The following ADCY6 variants were observed in gnomAD, a reference collection of about 807,000 sequenced individuals.
ADCY6 encodes the protein adenylate cyclase 6.
Under a neutral mutation model 111.6 loss-of-function variants are expected in ADCY6, and 59 were observed. That is an observed-to-expected ratio of 0.53 (90% CI 0.43 to 0.66). The LOEUF is 0.66. Among genes scored for constraint, ADCY6 ranks in the 30% least tolerant of loss-of-function variants. The pLI is 0.00. For missense variants in ADCY6, 1,242 were observed against 1,595.6 expected, an observed-to-expected ratio of 0.78 and a Z score of 3.78; for synonymous variants, 576 against 642.9, an observed-to-expected ratio of 0.90 and a Z score of 1.57.
In ADCY6 at chr12:48,776,347, G is replaced by A; in HGVS notation, c.1539C>T (p.Arg513=). ...NHMEAGGRAG[R]IHITRATLQY... Reference sequence around the variant, plus strand: ...GCAGTGTTGCCCGAGTGATGTGGATGCGGCTGTATGTGGCCAAGAGGGTGA... The same window carrying A: ...GCAGTGTTGCCCGAGTGATGTGGATACGGCTGTATGTGGCCAAGAGGGTGA... The change falls in exon 8 of 22, where the codon CGC becomes CGT. Residue 513 remains arginine (R), a synonymous_variant. Transcript: ENST00000357869. The surrounding 1 kb of genome is among the most constrained non-coding windows in gnomAD (Gnocchi z 6.1). The A allele has an allele frequency of 6.2e-7, 1 of 1,614,236 alleles. No individual in the cohort carries two copies. Among genetic ancestry groups the A allele is most frequent in the Non-Finnish European group, 8.5e-7 (1 of 1,180,040 alleles).
chr12:48,789,577 T>TGCCCCA (rs1448440447), upstream of ADCY6: 2 of 73,038 alleles, frequency 2.7e-5, no homozygotes, highest in African/African-American at 5.0e-5. Context: ...TCCCTGCCCC[T>TGCCCCA]GCCCCAGCCC....
chr12:48,784,665 GT>G (rs766502422), intron 1 of ADCY6, among the ~76,000 whole-genome samples: 1,080 of 72,282 alleles, frequency 0.015, 3 homozygotes, highest in African/African-American at 0.053. Flanking sequence ...AAAATCTGGA[GT>G]TTTTTTTTTT....
rs138193379 is a variant in ADCY6 at position 48,776,517 on chromosome 12, G to A, written c.1446C>T (p.Cys482=). Residue 482 remains cysteine, a synonymous_variant, in exon 7 of 22, where the codon TGC becomes TGT. Coordinates refer to ENST00000357869, the MANE Select transcript of ADCY6 (RefSeq NM_015270.5). The surrounding 1 kb of genome is among the most constrained non-coding windows in gnomAD (Gnocchi z 6.1). ...GCCATTTCCGCAAGCCAAGGACGCCGCAGTGCACGCGCCCGCTGTGGATGC... is the reference window on the plus strand; with the variant it reads ...GCCATTTCCGCAAGCCAAGGACGCCACAGTGCACGCGCCCGCTGTGGATGC... ...RVGIHSGRVH[C]GVLGLRKWQF... 2.6e-5 allele frequency: 42 copies of A among 1,613,834 alleles called. No homozygotes were observed. The highest frequency in any genetic ancestry group is 1.7e-4 in the African/African-American group (13 of 75,008).
intron 12 of ADCY6, 36 bp from the exon 13 acceptor site, chr12:48,774,814 C>T: frequency 1.3e-6 from 2 of 1,597,368 alleles, no homozygotes; most frequent in South Asian, 1.1e-5. Flanking sequence ...TCATTTAATT[C>T]TGGAAGATCT....
rs536524480 is a variant in ADCY6, at chr12:48,767,302, G to C, written c.*1289C>G. The C allele has an allele frequency of 6.6e-6, 1 of 152,570 alleles. No individual in the cohort carries two copies. Among genetic ancestry groups the C allele is most frequent in the Non-Finnish European group, 1.5e-5 (1 of 68,078 alleles). The allele number at this position is 152,570 out of a possible 1,614,324, so 9.5% of individuals were successfully genotyped here. ...GAGTCATGCTGCACACATGGCCCCC[G>C]AACGGCACTTAGGGATTTGGCACAA... On this transcript the variant is annotated 3_prime_UTR_variant, in exon 22 of 22. Transcript: ENST00000357869.
chr12:48,789,372 G>C (rs1011774547), upstream of ADCY6: 3 of 152,266 alleles, frequency 2.0e-5, no homozygotes, highest in East Asian at 2.0e-4. Context: ...CTCGCAGCCC[G>C]GTCCCCTTCC....
chr12:48,773,373 C>G (rs1941602508), intron 16 of ADCY6, 96 bp downstream of exon 16: 5 of 1,403,074 alleles, frequency 3.6e-6, no homozygotes, highest in Non-Finnish European at 4.8e-6. Context: ...TGTGGCATTC[C>G]AAGGCACAAG....
At chr12:48,787,449 C>T (rs751315496) in intron 1 of ADCY6, among the ~76,000 whole-genome samples, 9 of 152,170 alleles carry the variant, frequency 5.9e-5, no homozygotes, top group Non-Finnish European at 1.0e-4. Context: ...ATGTAATTGT[C>T]CAACCAACTG....
Position 48,777,871 on chromosome 12 carries a change from C to T in ADCY6, c.1015-135G>A. On this transcript the variant is annotated intron_variant, in intron 3 of 21. Transcript: ENST00000357869. This position sits in a 1 kb window ranked among gnomAD's most constrained non-coding sequence, Gnocchi z 4.9. ...CCTTCCCTTCTGGACTGTGGCCTGA[C>T]CTTCCCCCATCAGAGCCCCCTCTGA... 7.1e-7 allele frequency: 1 copy of T among 1,417,506 alleles called. No homozygotes were observed. The highest frequency in any genetic ancestry group is 9.5e-7 in the Non-Finnish European group (1 of 1,051,372). The allele number at this position is 1,417,506 out of a possible 1,614,324, so 87.8% of individuals were successfully genotyped here.
intron 2 of ADCY6, among the ~76,000 whole-genome samples, chr12:48,781,007 T>C (rs922410393): frequency 6.6e-6 from 1 of 152,186 alleles, no homozygotes; most frequent in African/African-American, 2.4e-5. Flanking sequence ...GAGACCATCC[T>C]GGCCAACATG....
intron 14 of ADCY6, 87 bp downstream of exon 14, chr12:48,774,315 A>G: frequency 7.3e-7 from 1 of 1,376,112 alleles, no homozygotes; most frequent in Admixed American, 1.7e-5. Flanking sequence ...AGGGCAGAAA[A>G]TATGTCCTTT....
At position 48,777,822 on chromosome 12, in the gene ADCY6, T is replaced by C. The variant is rs1384341340; in HGVS notation, c.1015-86A>G. On this transcript the variant is annotated intron_variant, in intron 3 of 21. Coordinates refer to ENST00000357869, the MANE Select transcript of ADCY6 (RefSeq NM_015270.5). This position sits in a 1 kb window ranked among gnomAD's most constrained non-coding sequence, Gnocchi z 4.9. ...TGGTCTCTCCACATCGCCAGAGCCCTCCTAGACTTCTCTGAAGACCTGACC... is the reference window on the plus strand; with the variant it reads ...TGGTCTCTCCACATCGCCAGAGCCCCCCTAGACTTCTCTGAAGACCTGACC... 1.3e-6 allele frequency: 2 copies of C among 1,559,342 alleles called. No homozygotes were observed. The highest frequency in any genetic ancestry group is 1.7e-6 in the Non-Finnish European group (2 of 1,153,334).
rs1347811411 is a variant in ADCY6 at position 48,782,763 on chromosome 12, G to C, written c.672C>G (p.Val224=). 1 of 1,611,348 alleles carries C rather than the reference G, an allele frequency of 6.2e-7. No homozygotes were observed. The highest frequency in any genetic ancestry group is 8.5e-7 in the Non-Finnish European group (1 of 1,178,830). The part of the protein sequence containing the change: ...VVLGILAAVQ[V]GGALAADPRS... ...GCGGGTCTGCTGCGAGAGCGCCCCC[G>C]ACCTGCACTGCCGCCAGGATGCCCA... is the stretch of plus-strand genomic sequence containing the variant. Residue 224 remains valine (V), a synonymous_variant, in exon 2 of 22, where the codon GTC becomes GTG. Transcript: ENST00000357869. This position sits in a 1 kb window ranked among gnomAD's most constrained non-coding sequence, Gnocchi z 4.3.
At position 48,777,689 on chromosome 12, in the gene ADCY6, C is replaced by T; in HGVS notation, c.1062G>A (p.Met354Ile). The stretch of plus-strand genomic sequence containing the variant: ...CTTTTTTTGTGTTGATGTCTTCTTT[C>T]ATCTCCATGGCAACGTGCTGGGGCA... Reference protein sequence around the residue: ...SVLPQHVAMEMKEDINTKKED... With the variant: ...SVLPQHVAMEIKEDINTKKED... Residue 354 changes from methionine to isoleucine, a missense_variant, in exon 4 of 22, where the codon ATG becomes ATA. Met to Ile is a conservative substitution (Grantham distance 10). Coordinates refer to ENST00000357869, the MANE Select transcript of ADCY6 (RefSeq NM_015270.5). The surrounding 1 kb of genome is among the most constrained non-coding windows in gnomAD (Gnocchi z 4.9). The T allele has an allele frequency of 6.2e-7, 1 of 1,614,206 alleles. No individual in the cohort carries two copies. The highest frequency in any genetic ancestry group is 8.5e-7 in the Non-Finnish European group (1 of 1,180,032).
chr12:48,774,306 G>C, intron 14 of ADCY6, 96 bp downstream of exon 14: 2 of 1,310,304 alleles, frequency 1.5e-6, no homozygotes, highest in Admixed American at 3.6e-5. Flanking sequence ...GGCTCCCTGA[G>C]GGCAGAAAAT....
chr12:48,789,927 T>C (rs1942054447), upstream of ADCY6: 1 of 150,576 alleles, frequency 6.6e-6, no homozygotes, highest in Non-Finnish European at 1.5e-5. Context: ...CTGCTGGGGG[T>C]TGGAGGGGCT....
At position 48,776,435 on chromosome 12, in the gene ADCY6, G is replaced by T. The variant is rs773191127; in HGVS notation, c.1528C>A (p.Arg510=). The T allele has an allele frequency of 1.3e-6, 2 of 1,556,628 alleles. No homozygotes were observed. Among genetic ancestry groups the T allele is most frequent in the Non-Finnish European group, 8.6e-7 (1 of 1,156,866 alleles). ...TLANHMEAGG[R]AGRIHITRAT... is the part of the protein sequence containing the mutation. ...CTGGACCCCCCTACTCACCCAGCCC[G>T]GCCTCCTGCCTCCATGTGGTTGGCC... Residue 510 remains arginine, a synonymous_variant, in exon 7 of 22, where the codon CGG becomes AGG. Transcript: ENST00000357869. The surrounding 1 kb of genome is among the most constrained non-coding windows in gnomAD (Gnocchi z 6.1).
At position 48,766,331 on chromosome 12, in the gene ADCY6, T is replaced by A. The variant is rs1267903475; in HGVS notation, c.*2260A>T. On this transcript the variant is annotated 3_prime_UTR_variant, in exon 22 of 22. Transcript: ENST00000357869. ...CCACGGCCTCCCACCTCCTGACTCCTCTACCAACTGGGTGAGGAAAGGGAC... is the reference window on the plus strand; with the variant it reads ...CCACGGCCTCCCACCTCCTGACTCCACTACCAACTGGGTGAGGAAAGGGAC... The A allele has an allele frequency of 6.6e-6, 1 of 152,658 alleles. No homozygotes were observed. The highest frequency in any genetic ancestry group is 1.5e-5 in the Non-Finnish European group (1 of 68,056). 9.5% of individuals were successfully genotyped at this position (152,658 alleles called of 1,614,324 possible). A position where few individuals can be genotyped will look rare whatever the true frequency, so the allele number is the denominator to read the frequency against.
rs1941734136 is a variant in ADCY6, at chr12:48,777,457, C to T, written c.1201G>A (p.Val401Ile). 6.2e-7 allele frequency: 1 copy of T among 1,613,338 alleles called. No homozygotes were observed. The highest frequency in any genetic ancestry group is 8.5e-7 in the Non-Finnish European group (1 of 1,180,046). ...GCAAAGAGCTCATTCAGGGTCATGA[C>T]CAGCTCCTGCGCAGTGCACTGGGAT... ...LASQCTAQEL[V>I]MTLNELFARF... is the part of the protein sequence containing the mutation. Residue 401 changes from valine (V) to isoleucine (I), a missense_variant, in exon 5 of 22, where the codon GTC (valine) becomes ATC (isoleucine). Physicochemically the swap from Val to Ile is conservative, Grantham distance 29. Transcript: ENST00000357869. This position sits in a 1 kb window ranked among gnomAD's most constrained non-coding sequence, Gnocchi z 4.9.
Sources: allele counts gnomAD v4.1 joint callset (sites outside exome capture counted in the v4.1 genomes callset), GRCh38; gene constraint gnomAD v4.1.1; non-coding constraint Gnocchi (gnomAD v3.1); transcripts MANE v1.5; gene names NCBI Gene and HGNC (gene_info 2026-07-23, HGNC 2026-07-21).